The following ALK variants were observed in gnomAD, a reference collection of about 807,000 sequenced individuals.
ALK encodes ALK tyrosine kinase receptor.
A neutral mutation model predicts 163.1 loss-of-function variants in ALK; 74 were observed. That is an observed-to-expected ratio of 0.45 (90% confidence interval 0.38 to 0.55). The LOEUF (loss-of-function observed/expected upper bound fraction) is 0.55. ALK is among the 20% of genes least tolerant of loss of function. The probability of loss-of-function intolerance (pLI) is 0.00; values close to 1 mark genes in which losing one functional copy is unlikely to be tolerated. For missense variants in ALK, 2,063 were observed against 2,105.3 expected (o/e 0.98, Z 0.39); for synonymous variants, 960 against 843.2 (o/e 1.14, Z -2.40).
chr2:29,500,659 C>T (rs1346406599), intron 4 of ALK, among the ~76,000 whole-genome samples: 1 of 152,126 alleles, frequency 6.6e-6, no homozygotes, highest in Non-Finnish European at 1.5e-5. Context: ...CATCCAGGAA[C>T]TTCATGGACA....
At chr2:29,209,195 T>C (rs1448738953) in intron 25 of ALK, among the ~76,000 whole-genome samples, 1 of 152,156 alleles carries the variant, frequency 6.6e-6, no homozygotes, top group East Asian at 1.9e-4. Context: ...AGTTATCCCA[T>C]GTCTCAGAGC....
At chr2:29,324,765 G>A (rs900059902) in intron 6 of ALK, among the ~76,000 whole-genome samples, 8 of 152,200 alleles carry the variant, frequency 5.3e-5, no homozygotes, top group African/African-American at 1.7e-4. Flanking sequence ...CAGCATCTGG[G>A]ATGTCTCACT....
chr2:29,870,966 C>T (rs1467080530), intron 1 of ALK, among the ~76,000 whole-genome samples: 1 of 152,154 alleles, frequency 6.6e-6, no homozygotes, highest in Non-Finnish European at 1.5e-5. Context: ...GGCAGCTTAG[C>T]TAACCTCTTT....
rs1668758663 is a variant in ALK at position 29,376,592 on chromosome 2, C to G, written c.1282+7140G>C. ...AGTGGATGCATGGATGGATGGATAG[C>G]TGAGCCTGCTACATACAGAGTTTGC... On this transcript the variant is annotated intron_variant, in intron 5 of 28. Coordinates refer to ENST00000389048, the MANE Select transcript of ALK (RefSeq NM_004304.5). Among the ~76,000 whole-genome samples the G allele has an allele frequency of 2.6e-5, 4 of 152,348 alleles. No homozygotes were observed. In the South Asian group the frequency reaches 8.3e-4, roughly 32 times the overall value.
rs139934207 is a variant in ALK at position 29,488,051 on chromosome 2, C to T, written c.1154+43864G>A. ...ATATGCACGTGCACACAGAAAAGCA[C>T]TAACATCCCTTTACATTCAGTCTGC... On this transcript the variant is annotated intron_variant, in intron 4 of 28. Transcript: ENST00000389048. 7.2e-4 allele frequency among the ~76,000 whole-genome samples: 109 copies of T among 152,252 alleles called. 1 individual carries two copies. Among genetic ancestry groups the T allele is most frequent in the African/African-American group, 2.6e-3 (107 of 41,524 alleles).
chr2:29,894,835 CACACACACACACACACAA>C (rs1359196194), intron 1 of ALK, among the ~76,000 whole-genome samples: 2 of 145,208 alleles, frequency 1.4e-5, no homozygotes, highest in Non-Finnish European at 3.1e-5. Context: ...ATGCTTCAAA[CACACACACACACACACAA>C]ACACACACAC....
chr2:29,399,948 C>G (rs1273936491), intron 4 of ALK, among the ~76,000 whole-genome samples: 1 of 152,210 alleles, frequency 6.6e-6, no homozygotes, highest in East Asian at 1.9e-4. Flanking sequence ...GACACAGACA[C>G]TAGGATCCTA....
chr2:29,719,017 C>G (rs547473914), intron 1 of ALK, among the ~76,000 whole-genome samples: 2 of 152,170 alleles, frequency 1.3e-5, no homozygotes, highest in Non-Finnish European at 2.9e-5. Flanking sequence ...GGATAAACCC[C>G]ACTTCACACA....
intron 4 of ALK, among the ~76,000 whole-genome samples, chr2:29,481,708 T>C (rs1156958187): frequency 6.6e-6 from 1 of 152,320 alleles, no homozygotes. Context: ...ATACCTTAAA[T>C]ATGGCTTTCT....
intron 4 of ALK, among the ~76,000 whole-genome samples, chr2:29,420,116 C>T (rs1432102877): frequency 7.0e-6 from 1 of 141,976 alleles, no homozygotes; most frequent in Non-Finnish European, 1.5e-5. Context: ...GGGATGGTGC[C>T]ACTGCACTCC....
At chr2:29,822,067 C>G (rs1323408840) in intron 1 of ALK, among the ~76,000 whole-genome samples, 1 of 152,176 alleles carries the variant, frequency 6.6e-6, no homozygotes, top group Non-Finnish European at 1.5e-5. Flanking sequence ...TCTGGAACTT[C>G]TATTGTCCTT....
At chr2:29,234,280 A>G (rs1038526455) in intron 13 of ALK, among the ~76,000 whole-genome samples, 3 of 152,162 alleles carry the variant, frequency 2.0e-5, no homozygotes, top group African/African-American at 7.2e-5. Flanking sequence ...TAAACGGAAC[A>G]GTGTGATCAT....
intron 1 of ALK, among the ~76,000 whole-genome samples, chr2:29,838,644 A>G (rs774234508): frequency 2.2e-4 from 34 of 152,178 alleles, no homozygotes; most frequent in African/African-American, 7.5e-4. Context: ...AGATATTATG[A>G]TAAGTGGAAG....
At chr2:29,595,750 G>A (rs946854613) in intron 3 of ALK, among the ~76,000 whole-genome samples, 9 of 152,172 alleles carry the variant, frequency 5.9e-5, no homozygotes, top group Admixed American at 2.0e-4. Context: ...TTCAATGAAA[G>A]GAAGAATTTT....
chr2:29,282,135 G>A (rs940034056), intron 9 of ALK, among the ~76,000 whole-genome samples: 10 of 152,154 alleles, frequency 6.6e-5, no homozygotes, highest in Non-Finnish European at 1.2e-4. Flanking sequence ...AGAAGGGAGT[G>A]TCCTGCATCC....
chr2:29,517,087 A>C (rs1328514655), intron 4 of ALK, among the ~76,000 whole-genome samples: 2 of 152,224 alleles, frequency 1.3e-5, no homozygotes, highest in Non-Finnish European at 2.9e-5. Flanking sequence ...GGGACCCCAC[A>C]ATGAAAGTTC....
intron 5 of ALK, among the ~76,000 whole-genome samples, chr2:29,369,476 T>C (rs1007265013): frequency 6.6e-6 from 1 of 152,172 alleles, no homozygotes; most frequent in Non-Finnish European, 1.5e-5. Context: ...GTGTATGCCC[T>C]GGAGCTGGGC....
At chr2:29,418,419 CT>C (rs1161966880) in intron 4 of ALK, among the ~76,000 whole-genome samples, 1 of 152,168 alleles carries the variant, frequency 6.6e-6, no homozygotes, top group Non-Finnish European at 1.5e-5. Context: ...TATAATCTTT[CT>C]TTTTCTCCTA....
chr2:29,494,282 G>C (rs892553672), intron 4 of ALK, among the ~76,000 whole-genome samples: 7 of 152,214 alleles, frequency 4.6e-5, no homozygotes, highest in African/African-American at 2.4e-5. Flanking sequence ...GAGGCCTCCA[G>C]ACCTGGTACT....
Sources: allele counts gnomAD v4.1 joint callset (sites outside exome capture counted in the v4.1 genomes callset), GRCh38; gene constraint gnomAD v4.1.1; transcripts MANE v1.5; gene names NCBI Gene and HGNC (gene_info 2026-07-23, HGNC 2026-07-21).